Variants in DLC1 observed in about 807,000 individuals in gnomAD.
DLC1 encodes rho GTPase-activating protein 7.
Under a neutral mutation model 140.3 loss-of-function variants are expected in DLC1, and 54 were observed. The observed-to-expected ratio is 0.38, with a 90% CI of 0.31 to 0.48. DLC1 has a LOEUF of 0.48. DLC1 is among the 20% of genes least tolerant of loss of function. DLC1 has a pLI of 0.96. For missense variants in DLC1, 2,536 were observed against 1,907.0 expected (o/e 1.33, Z -6.14); for synonymous variants, 986 against 728.1 (o/e 1.35, Z -5.70).
At position 13,567,258 on chromosome 8, in the gene DLC1, C is replaced by G. The variant is rs10096353; in HGVS notation, c.-126+37279G>C. The G allele has an allele frequency of 2.5e-3, 3,821 of 1,551,686 alleles. 83 individuals carry two copies. In the African/African-American group the frequency reaches 0.045, roughly 18 times the overall value. ...AGAAGTTGAGTAAAAAATGGATCAA[C>G]TACCTCAAGCTCAAAGACTCTAACT... On this transcript the variant is annotated intron_variant, in intron 1 of 1. Transcript: ENST00000631382.
At chr8:13,375,775 G>A (rs1835953274) in intron 4 of DLC1, among the ~76,000 whole-genome samples, 1 of 151,754 alleles carries the variant, frequency 6.6e-6, no homozygotes, top group African/African-American at 2.4e-5. Context: ...ATTTATATTT[G>A]TCAAAGCTTG....
rs969385600 is a variant in DLC1 at position 13,419,998 on chromosome 8, C to A, written c.1024-18379G>T. ...TCTTCTAGATTTTCTAGTTTATTTGCGTAGAGGTGTTTGTAGTATTCTCTG... is the reference window on the plus strand; with the variant it reads ...TCTTCTAGATTTTCTAGTTTATTTGAGTAGAGGTGTTTGTAGTATTCTCTG... On this transcript the variant is annotated intron_variant, in intron 2 of 17. Coordinates refer to ENST00000276297, the MANE Select transcript of DLC1 (RefSeq NM_182643.3). Among the ~76,000 whole-genome samples, 12 of 152,150 alleles carry A rather than the reference C, an allele frequency of 7.9e-5. No homozygotes were observed. In the South Asian group the frequency reaches 8.3e-4, roughly 11 times the overall value.
At chr8:13,388,021 AT>A (rs1836598234) in intron 4 of DLC1, among the ~76,000 whole-genome samples, 1 of 152,048 alleles carries the variant, frequency 6.6e-6, no homozygotes, top group Non-Finnish European at 1.5e-5. Flanking sequence ...TATATAAAAT[AT>A]GTAAAACCAT....
At chr8:13,595,344 C>G (rs149505449) in intron 1 of DLC1, among the ~76,000 whole-genome samples, 69 of 152,028 alleles carry the variant, frequency 4.5e-4, no homozygotes, top group African/African-American at 1.6e-3. Flanking sequence ...TGTGAACTGT[C>G]TTACCAACAT....
At chr8:13,315,345 A>G (rs1189670823) in intron 4 of DLC1, among the ~76,000 whole-genome samples, 1 of 152,240 alleles carries the variant, frequency 6.6e-6, no homozygotes, top group Admixed American at 6.5e-5. Flanking sequence ...ATCAAATAAT[A>G]GCCAAACATT....
At position 13,443,437 on chromosome 8, in the gene DLC1, A is replaced by G. The variant is rs552331522; in HGVS notation, c.1024-41818T>C. Among the ~76,000 whole-genome samples, 21 of 151,590 alleles carry G rather than the reference A, an allele frequency of 1.4e-4. No individual in the cohort carries two copies. In the East Asian group the frequency reaches 4.1e-3, roughly 30 times the overall value. On this transcript the variant is annotated intron_variant, in intron 2 of 17. Transcript: ENST00000276297. ...CACTTTGGGAGGCCAAGGCAGGAGG[A>G]TCATAAGGTCAGGAGATCGAGACCA...
chr8:13,582,914 A>ATATATATATATATG (rs1805164848), intron 1 of DLC1, among the ~76,000 whole-genome samples: 2 of 123,006 alleles, frequency 1.6e-5, no homozygotes, highest in South Asian at 5.4e-4. Flanking sequence ...ATATATATAT[A>ATATATATATATATG]TATATGTGGT....
intron 5 of DLC1, among the ~76,000 whole-genome samples, chr8:13,301,682 C>T (rs1368144403): frequency 6.6e-6 from 1 of 152,184 alleles, no homozygotes; most frequent in East Asian, 1.9e-4. Flanking sequence ...AAGCCCTGGA[C>T]CAGTACCGGT....
chr8:13,316,808 C>T (rs1378757829), intron 4 of DLC1, among the ~76,000 whole-genome samples: 1 of 152,172 alleles, frequency 6.6e-6, no homozygotes, highest in African/African-American at 2.4e-5. Flanking sequence ...CCCCAACTGA[C>T]TGCAGTATCC....
chr8:13,121,758 G>A (rs1278111207), intron 5 of DLC1, among the ~76,000 whole-genome samples: 2 of 151,956 alleles, frequency 1.3e-5, no homozygotes, highest in Non-Finnish European at 2.9e-5. Flanking sequence ...TCGCTATGTT[G>A]CCCAGGCTGA....
Position 13,250,766 on chromosome 8 carries a change from G to C in DLC1, c.1348+54503C>G, listed in dbSNP as rs148035575. Among the ~76,000 whole-genome samples the C allele has an allele frequency of 3.1e-3, 470 of 151,628 alleles. 2 individuals are homozygous for C. The highest frequency in any genetic ancestry group is 0.01 in the Middle Eastern group (3 of 290). ...TTGCTATTAATGAGAAAAAAAGAAAGAGAGAGAGAGAAAGAAAAAATAAAG... is the reference window on the plus strand; with the variant it reads ...TTGCTATTAATGAGAAAAAAAGAAACAGAGAGAGAGAAAGAAAAAATAAAG... On this transcript the variant is annotated intron_variant, in intron 5 of 17. Coordinates refer to ENST00000276297, the MANE Select transcript of DLC1 (RefSeq NM_182643.3).
At chr8:13,423,053 G>A (rs572933720) in intron 2 of DLC1, among the ~76,000 whole-genome samples, 3 of 152,222 alleles carry the variant, frequency 2.0e-5, no homozygotes, top group African/African-American at 4.8e-5. Flanking sequence ...TAAGACTCTA[G>A]CTCTAGCTCA....
chr8:13,451,486 C>T (rs1440950710), intron 2 of DLC1, among the ~76,000 whole-genome samples: 2 of 152,098 alleles, frequency 1.3e-5, no homozygotes, highest in African/African-American at 4.8e-5. Context: ...TTTTATACTC[C>T]TTAACCATCC....
At chr8:13,162,638 T>A (rs1326965810) in intron 5 of DLC1, among the ~76,000 whole-genome samples, 2 of 152,136 alleles carry the variant, frequency 1.3e-5, no homozygotes, top group Admixed American at 1.3e-4. Context: ...GCTACAGTTT[T>A]AAACAACTGG....
At chr8:13,451,728 A>G (rs561215652) in intron 2 of DLC1, among the ~76,000 whole-genome samples, 1 of 152,156 alleles carries the variant, frequency 6.6e-6, no homozygotes, top group Non-Finnish European at 1.5e-5. Flanking sequence ...ATAGTACTCC[A>G]TTGTGTATAT....
At chr8:13,503,343 G>T (rs1801906957) in intron 1 of DLC1, among the ~76,000 whole-genome samples, 1 of 152,124 alleles carries the variant, frequency 6.6e-6, no homozygotes, top group African/African-American at 2.4e-5. Flanking sequence ...GGTCAAGACT[G>T]CAGTGAGCCA....
chr8:13,102,186 A>G (rs1480696553), intron 8 of DLC1, among the ~76,000 whole-genome samples: 1 of 152,150 alleles, frequency 6.6e-6, no homozygotes, highest in Non-Finnish European at 1.5e-5. Context: ...TACTCCCAGT[A>G]CTACACCCAC....
intron 4 of DLC1, among the ~76,000 whole-genome samples, chr8:13,334,816 A>G (rs1028715066): frequency 6.6e-6 from 1 of 152,186 alleles, no homozygotes; most frequent in South Asian, 2.1e-4. Context: ...CAAAGTAGAG[A>G]TTTAAGTCAT....
chr8:13,110,836 TAAAC>T lies in DLC1; in HGVS notation c.1421-17_1421-14del. 2 of 1,613,072 alleles carry T rather than the reference TAAAC, an allele frequency of 1.2e-6. No individual in the cohort carries two copies. Among genetic ancestry groups the T allele is most frequent in the Non-Finnish European group, 1.7e-6 (2 of 1,179,460 alleles). ...GGGAACAGGAAATCTATGAGAAAAA[TAAAC>T]AGATGTATTTGTTGAGCGCCTAAAA... On this transcript the variant is annotated splice_polypyrimidine_tract_variant and intron_variant, in intron 6 of 17. Transcript: ENST00000276297.
Sources: gnomAD v4.1 joint callset for allele counts (sites outside exome capture counted in the v4.1 genomes callset) on GRCh38, gnomAD v4.1.1 for gene constraint, MANE v1.5 for transcripts, NCBI Gene and HGNC (gene_info 2026-07-23, HGNC 2026-07-21) for gene names.